Variants in LRRC7 observed in about 807,000 individuals in gnomAD.
The protein encoded by LRRC7 is leucine rich repeat containing 7.
In LRRC7, 23 loss-of-function variants were observed where a neutral mutation model predicts 175.7. That is an observed-to-expected ratio of 0.13 (90% CI 0.09 to 0.19). The LOEUF (loss-of-function observed/expected upper bound fraction) is 0.19. LRRC7 is among the 10% of genes least tolerant of loss of function. The pLI, the probability that LRRC7 is intolerant of heterozygous loss-of-function variation, is 1.00. For synonymous variants in LRRC7, 685 were observed against 680.9 expected (o/e 1.01, Z -0.09); for missense variants, 1,354 against 1,904.7 (o/e 0.71, Z 5.38).
intron 2 of LRRC7, among the ~76,000 whole-genome samples, chr1:69,688,645 T>TA (rs1553140109): frequency 0.099 from 14,691 of 148,246 alleles, 810 homozygotes; most frequent in African/African-American, 0.13. Flanking sequence ...TTTTTTTTTT[T>TA]AAAAAAAACC....
At chr1:69,627,916 T>C (rs1349187974) in intron 1 of LRRC7, among the ~76,000 whole-genome samples, 2 of 142,694 alleles carry the variant, frequency 1.4e-5, no homozygotes, top group East Asian at 3.9e-4. Flanking sequence ...TATTCCAACA[T>C]AATCAGTTTT....
chr1:70,059,186 G>A (rs1012335539), intron 23 of LRRC7, among the ~76,000 whole-genome samples: 1 of 152,184 alleles, frequency 6.6e-6, no homozygotes, highest in Non-Finnish European at 1.5e-5. Context: ...TTTCCACCCT[G>A]AGTGTCTGTT....
chr1:69,955,510 G>C (rs1310032058), intron 8 of LRRC7, among the ~76,000 whole-genome samples: 1 of 151,968 alleles, frequency 6.6e-6, no homozygotes, highest in Non-Finnish European at 1.5e-5. Context: ...AATGGGAATG[G>C]AAAGGCAGGT....
chr1:69,642,966 A>G (rs1169640680), intron 1 of LRRC7, among the ~76,000 whole-genome samples: 2 of 152,084 alleles, frequency 1.3e-5, no homozygotes, highest in African/African-American at 4.8e-5. Context: ...GGAAAGCCAG[A>G]GGTGTAATCC....
At chr1:69,831,706 A>G (rs2101299542) in intron 5 of LRRC7, among the ~76,000 whole-genome samples, 1 of 152,250 alleles carries the variant, frequency 6.6e-6, no homozygotes, top group East Asian at 1.9e-4. Context: ...CCTCTATGAA[A>G]TCATATCCAC....
At chr1:69,719,623 T>A (rs1480089395) in intron 2 of LRRC7, among the ~76,000 whole-genome samples, 1 of 151,646 alleles carries the variant, frequency 6.6e-6, no homozygotes, top group Non-Finnish European at 1.5e-5. Flanking sequence ...TTTAAACTGT[T>A]TTTATTTAGA....
intron 2 of LRRC7, among the ~76,000 whole-genome samples, chr1:69,690,400 G>A (rs1011213212): frequency 6.6e-6 from 1 of 152,140 alleles, no homozygotes; most frequent in Non-Finnish European, 1.5e-5. Flanking sequence ...GGATGTCCGG[G>A]AAGAAGTAGG....
intron 2 of LRRC7, among the ~76,000 whole-genome samples, chr1:69,750,956 G>A (rs547001589): frequency 1.7e-4 from 26 of 152,256 alleles, no homozygotes; most frequent in African/African-American, 6.0e-4. Flanking sequence ...ATATGCTAAT[G>A]CATATGGGAT....
At chr1:69,758,753 T>C (rs774613016) in intron 2 of LRRC7, among the ~76,000 whole-genome samples, 6 of 151,972 alleles carry the variant, frequency 3.9e-5, no homozygotes, top group Non-Finnish European at 7.4e-5. Flanking sequence ...AATGAGAACA[T>C]GCAGTATTTG....
intron 5 of LRRC7, among the ~76,000 whole-genome samples, chr1:69,833,972 T>C (rs1407404666): frequency 6.6e-6 from 1 of 152,132 alleles, no homozygotes; most frequent in Non-Finnish European, 1.5e-5. Context: ...TAATCTGGAC[T>C]AGACTATACA....
intron 16 of LRRC7, among the ~76,000 whole-genome samples, chr1:70,021,755 C>G (rs1657525683): frequency 6.6e-6 from 1 of 152,098 alleles, no homozygotes; most frequent in Non-Finnish European, 1.5e-5. Flanking sequence ...GGTCAAGTAA[C>G]AAGATTGAAT....
intron 18 of LRRC7, among the ~76,000 whole-genome samples, chr1:70,035,878 A>T (rs1659263130): frequency 6.6e-6 from 1 of 152,118 alleles, no homozygotes; most frequent in East Asian, 1.9e-4. Context: ...AGTTCATTGC[A>T]CAGTGCCAGG....
chr1:69,952,016 T>C (rs1649991619), intron 8 of LRRC7, among the ~76,000 whole-genome samples: 1 of 151,976 alleles, frequency 6.6e-6, no homozygotes, highest in Admixed American at 6.6e-5. Context: ...GCTAGATAAA[T>C]ATTTGAGAAT....
chr1:69,671,630 G>A (rs1353579561), intron 1 of LRRC7, among the ~76,000 whole-genome samples: 2 of 152,104 alleles, frequency 1.3e-5, no homozygotes, highest in African/African-American at 4.8e-5. Flanking sequence ...TATGGCCTCA[G>A]AGCATTTTAG....
At chr1:69,649,032 T>C (rs566284218) in intron 1 of LRRC7, among the ~76,000 whole-genome samples, 2 of 152,342 alleles carry the variant, frequency 1.3e-5, no homozygotes, top group East Asian at 3.9e-4. Context: ...TTTTTAAAGA[T>C]TTATTAAACA....
At chr1:69,733,368 A>T (rs1318430948) in intron 2 of LRRC7, among the ~76,000 whole-genome samples, 1 of 151,986 alleles carries the variant, frequency 6.6e-6, no homozygotes, top group African/African-American at 2.4e-5. Flanking sequence ...ATGGCACATT[A>T]TTCACCCAGG....
intron 1 of LRRC7, among the ~76,000 whole-genome samples, chr1:69,671,111 A>G (rs562829551): frequency 6.6e-6 from 1 of 152,190 alleles, no homozygotes; most frequent in African/African-American, 2.4e-5. Flanking sequence ...ACAACTGGGA[A>G]TGTGCTGAGT....
intron 14 of LRRC7, among the ~76,000 whole-genome samples, chr1:70,017,496 C>G (rs1008068247): frequency 1.3e-5 from 2 of 151,978 alleles, no homozygotes; most frequent in African/African-American, 4.8e-5. Context: ...TTTATTAGTC[C>G]TCTTTTTTCT....
intron 7 of LRRC7, among the ~76,000 whole-genome samples, chr1:69,902,888 C>A (rs1466098075): frequency 6.6e-6 from 1 of 152,140 alleles, no homozygotes; most frequent in African/African-American, 2.4e-5. Context: ...GACTTCGTGT[C>A]TTTTACAGTT....
Sources: gnomAD v4.1 joint callset for allele counts (sites outside exome capture counted in the v4.1 genomes callset) on GRCh38, gnomAD v4.1.1 for gene constraint, MANE v1.5 for transcripts, NCBI Gene and HGNC (gene_info 2026-07-23, HGNC 2026-07-21) for gene names.